Variants in LPIN1 observed in about 807,000 individuals in gnomAD.
LPIN1 encodes the protein lipin 1, also known as phosphatidate phosphatase LPIN1.
Under a neutral mutation model 107.5 loss-of-function variants are expected in LPIN1, and 71 were observed. The ratio of observed to expected loss-of-function variants is 0.66; its 90% CI spans 0.55 to 0.80. LPIN1 has a LOEUF of 0.80. Ranked by LOEUF, LPIN1 falls within the 30% of genes least tolerant of loss-of-function variation. The pLI, the probability that LPIN1 is intolerant of heterozygous loss-of-function variation, is 0.00. For synonymous variants in LPIN1, 445 were observed against 452.6 expected, an observed-to-expected ratio of 0.98 and a Z score of 0.21; for missense variants, 1,043 against 1,160.6, an observed-to-expected ratio of 0.90 and a Z score of 1.47.
intron 1 of LPIN1, among the ~76,000 whole-genome samples, chr2:11,759,939 C>T (rs1417666792): frequency 1.3e-5 from 2 of 149,024 alleles, no homozygotes; most frequent in South Asian, 2.2e-4. Context: ...GGCTGCCGGG[C>T]GGAGGGGCTC....
intron 1 of LPIN1, among the ~76,000 whole-genome samples, chr2:11,764,805 A>G (rs1379400450): frequency 6.6e-6 from 1 of 152,248 alleles, no homozygotes; most frequent in Non-Finnish European, 1.5e-5. Context: ...TTTCCTCTAC[A>G]GTCTTGAGAT....
At chr2:11,732,990 A>G (rs990692723) in intron 1 of LPIN1, among the ~76,000 whole-genome samples, 1 of 151,706 alleles carries the variant, frequency 6.6e-6, no homozygotes, top group Non-Finnish European at 1.5e-5. Context: ...ATTTCCACAT[A>G]TATTTGGAAG....
At chr2:11,808,747 G>A (rs940862338) in intron 17 of LPIN1, among the ~76,000 whole-genome samples, 3 of 151,886 alleles carry the variant, frequency 2.0e-5, no homozygotes, top group Non-Finnish European at 4.4e-5. Context: ...GGTGGTGGGT[G>A]CCTGTAATCC....
intron 1 of LPIN1, among the ~76,000 whole-genome samples, chr2:11,756,778 G>A (rs960317282): frequency 2.0e-5 from 3 of 152,148 alleles, no homozygotes; most frequent in Admixed American, 2.0e-4. Context: ...AGTGGAATAC[G>A]CTTGTAGATT....
At chr2:11,766,468 T>C (rs950927679) in intron 2 of LPIN1, among the ~76,000 whole-genome samples, 62 of 152,112 alleles carry the variant, frequency 4.1e-4, no homozygotes, top group African/African-American at 1.4e-3. Context: ...ACAGACACTT[T>C]GAGGAAGGGG....
intron 14 of LPIN1, among the ~76,000 whole-genome samples, chr2:11,797,210 A>G (rs1206941228): frequency 6.6e-6 from 1 of 152,272 alleles, no homozygotes; most frequent in Non-Finnish European, 1.5e-5. Context: ...GATGTACAGC[A>G]GGGACCTTGT....
At chr2:11,713,713 A>T in intron 1 of LPIN1, 1 of 1,214,788 alleles carries the variant, frequency 8.2e-7, no homozygotes, top group Non-Finnish European at 1.2e-6. Context: ...ACCTAATTCC[A>T]GAACATTTCT....
intron 17 of LPIN1, 99 bp downstream of exon 17, chr2:11,805,255 CAG>C: frequency 1.0e-6 from 1 of 953,502 alleles, no homozygotes; most frequent in Non-Finnish European, 1.7e-6. Flanking sequence ...GGGTGACTTG[CAG>C]AGAGGGCTGC....
intron 20 of LPIN1, among the ~76,000 whole-genome samples, chr2:11,822,594 C>T (rs546805216): frequency 1.3e-5 from 2 of 152,302 alleles, no homozygotes; most frequent in Admixed American, 6.5e-5. Context: ...ACCATCAGAT[C>T]TCATGCGACT....
intron 1 of LPIN1, among the ~76,000 whole-genome samples, chr2:11,701,180 A>T (rs1273943652): frequency 2.6e-5 from 4 of 151,010 alleles, no homozygotes; most frequent in Non-Finnish European, 5.9e-5. Flanking sequence ...ACCCCTCCCC[A>T]CCTTTCTCTA....
At chr2:11,701,165 T>C (rs6716192) in intron 1 of LPIN1, among the ~76,000 whole-genome samples, 24,015 of 152,172 alleles carry the variant, frequency 0.16, 2,118 homozygotes, top group East Asian at 0.3. Context: ...CAGATGTCTT[T>C]CCTGACCCCT....
chr2:11,733,389 C>T (rs1459446792), intron 1 of LPIN1, among the ~76,000 whole-genome samples: 3 of 152,124 alleles, frequency 2.0e-5, no homozygotes, highest in Non-Finnish European at 4.4e-5. Context: ...ACACACACAC[C>T]CCTAACACTA....
Position 11,827,292 on chromosome 2 carries a change from T to C in LPIN1, c.*2501T>C, listed in dbSNP as rs893052948. On this transcript the variant is annotated 3_prime_UTR_variant, in exon 21 of 21. Coordinates refer to ENST00000674199, the MANE Select transcript of LPIN1 (RefSeq NM_001349206.2). The surrounding 1 kb of genome is among the most constrained non-coding windows in gnomAD (Gnocchi z 4.1). ...AAGCACACTTTATTTGCATTTGATC[T>C]GTATTTGTATATGCTGATGCAATGA... is the stretch of plus-strand genomic sequence containing the variant. 1 of 152,362 alleles carries C rather than the reference T, an allele frequency of 6.6e-6. No homozygotes were observed. Among genetic ancestry groups the C allele is most frequent in the Non-Finnish European group, 1.5e-5 (1 of 68,054 alleles). The allele number at this position is 152,362 out of a possible 1,614,324, so 9.4% of individuals were successfully genotyped here.
rs1288873559 is a variant in LPIN1, at chr2:11,771,205, C to G, written c.289-167C>G. Among the ~76,000 whole-genome samples the G allele has an allele frequency of 6.6e-6, 1 of 152,240 alleles. No individual in the cohort carries two copies. The highest frequency in any genetic ancestry group is 1.5e-5 in the Non-Finnish European group (1 of 68,042). Reference sequence around the variant, plus strand: ...TCTGATCTTCTACCAGATTGGGCAGCCACATCTCCAGGTCACCATGGCTGT... The same window carrying G: ...TCTGATCTTCTACCAGATTGGGCAGGCACATCTCCAGGTCACCATGGCTGT... On this transcript the variant is annotated intron_variant, in intron 3 of 20. Transcript: ENST00000674199. This position sits in a 1 kb window ranked among gnomAD's most constrained non-coding sequence, Gnocchi z 4.8.
At chr2:11,751,400 A>C (rs907801396) in intron 1 of LPIN1, among the ~76,000 whole-genome samples, 7 of 152,322 alleles carry the variant, frequency 4.6e-5, no homozygotes, top group Non-Finnish European at 1.0e-4. Flanking sequence ...CACAAGCTAG[A>C]AAGCAACACT....
At chr2:11,712,019 G>A (rs1053704083) in intron 1 of LPIN1, among the ~76,000 whole-genome samples, 2 of 152,196 alleles carry the variant, frequency 1.3e-5, no homozygotes, top group South Asian at 2.1e-4. Context: ...TTTGAGGAGG[G>A]CATTCTTAAA....
chr2:11,759,892 T>C lies in LPIN1; in HGVS notation c.-9-5641T>C, dbSNP rs1669431419. On this transcript the variant is annotated intron_variant, in intron 1 of 20. Coordinates refer to ENST00000674199, the MANE Select transcript of LPIN1 (RefSeq NM_001349206.2). ...CCACCTCCCTCCCGGACGGGGTGGC[T>C]GCCGGGCGGAGACGCTCCTCACTTC... Among the ~76,000 whole-genome samples the C allele has an allele frequency of 2.0e-5, 3 of 150,774 alleles. 1 individual carries two copies. In the South Asian group the frequency reaches 6.3e-4, roughly 32 times the overall value.
intron 1 of LPIN1, among the ~76,000 whole-genome samples, chr2:11,764,478 C>T (rs555553753): frequency 6.6e-5 from 10 of 152,322 alleles, no homozygotes; most frequent in Non-Finnish European, 1.3e-4. Context: ...GTTTCCTTCA[C>T]GAGCCTGTGA....
intron 1 of LPIN1, among the ~76,000 whole-genome samples, chr2:11,698,798 A>G (rs1228507842): frequency 6.6e-6 from 1 of 152,248 alleles, no homozygotes; most frequent in Non-Finnish European, 1.5e-5. Context: ...TTAGGAGTCT[A>G]AATGATGCCT....
Sources: allele counts gnomAD v4.1 joint callset (sites outside exome capture counted in the v4.1 genomes callset), GRCh38; gene constraint gnomAD v4.1.1; non-coding constraint Gnocchi (gnomAD v3.1); transcripts MANE v1.5; gene names NCBI Gene and HGNC (gene_info 2026-07-23, HGNC 2026-07-21).